NIPBL: variants seen among roughly 807,000 people sequenced by gnomAD.
NIPBL encodes the protein NIPBL cohesin loading factor.
A neutral mutation model predicts 321.8 loss-of-function variants in NIPBL; 19 were observed. The ratio of observed to expected loss-of-function variants is 0.06; its 90% CI spans 0.04 to 0.09. The LOEUF (loss-of-function observed/expected upper bound fraction) is 0.09. Ranked by LOEUF, NIPBL falls within the 10% of genes least tolerant of loss-of-function variation. The pLI is 1.00. For synonymous variants in NIPBL, 1,106 were observed against 1,114.1 expected, an observed-to-expected ratio of 0.99 and a Z score of 0.14; for missense variants, 2,210 against 3,327.0, an observed-to-expected ratio of 0.66 and a Z score of 8.26.
At chr5:36,979,572 A>G (rs1469281255) in intron 9 of NIPBL, among the ~76,000 whole-genome samples, 1 of 151,640 alleles carries the variant, frequency 6.6e-6, no homozygotes, top group African/African-American at 2.4e-5. Flanking sequence ...TTGGATGCCT[A>G]ATATTCCTTT....
intron 30 of NIPBL, among the ~76,000 whole-genome samples, chr5:37,025,940 A>AT (rs1269417815): frequency 6.6e-6 from 1 of 152,082 alleles, no homozygotes; most frequent in Non-Finnish European, 1.5e-5. Context: ...CAGTAAATAT[A>AT]TTTTTTAGTT....
chr5:36,927,561 C>T (rs1749456825), intron 1 of NIPBL, among the ~76,000 whole-genome samples: 1 of 152,122 alleles, frequency 6.6e-6, no homozygotes. Context: ...TAGAGACTCA[C>T]GATCCAAAAG....
chr5:36,959,814 C>T (rs1351972865), intron 4 of NIPBL, among the ~76,000 whole-genome samples: 2 of 151,958 alleles, frequency 1.3e-5, no homozygotes, highest in East Asian at 3.8e-4. Flanking sequence ...TTTTTTAGTC[C>T]AAAATATTGT....
chr5:36,938,422 C>G (rs1738696278), intron 1 of NIPBL, among the ~76,000 whole-genome samples: 1 of 151,836 alleles, frequency 6.6e-6, no homozygotes. Flanking sequence ...GCAGATGGAG[C>G]AAAATGTAAG....
At chr5:37,031,528 A>G (rs995792940) in intron 32 of NIPBL, among the ~76,000 whole-genome samples, 2 of 152,194 alleles carry the variant, frequency 1.3e-5, no homozygotes, top group Admixed American at 1.3e-4. Context: ...CAAAAATTAA[A>G]TAGATTTTAC....
chr5:36,890,506 A>G (rs967182644), intron 1 of NIPBL, among the ~76,000 whole-genome samples: 7 of 152,194 alleles, frequency 4.6e-5, no homozygotes, highest in Non-Finnish European at 1.0e-4. Context: ...GTTTCCCACT[A>G]TTGTGCCTGT....
chr5:36,908,547 G>A (rs189899035), intron 1 of NIPBL, among the ~76,000 whole-genome samples: 66 of 152,072 alleles, frequency 4.3e-4, no homozygotes, highest in Non-Finnish European at 7.6e-4. Flanking sequence ...ATCATACAGG[G>A]AACGTAGAAT....
chr5:37,049,323 A>G (rs751762049), intron 40 of NIPBL, 22 bp downstream of exon 40: 1 of 1,611,374 alleles, frequency 6.2e-7, no homozygotes, highest in Non-Finnish European at 8.5e-7. Flanking sequence ...TTATGGCAGC[A>G]GCACTTACTA....
At chr5:36,928,000 TA>T (rs1299799828) in intron 1 of NIPBL, among the ~76,000 whole-genome samples, 3 of 152,034 alleles carry the variant, frequency 2.0e-5, no homozygotes, top group African/African-American at 7.2e-5. Context: ...TTTTTTTTTT[TA>T]AATTTTCTAC....
At chr5:36,914,969 GT>G (rs1266084266) in intron 1 of NIPBL, among the ~76,000 whole-genome samples, 2 of 151,862 alleles carry the variant, frequency 1.3e-5, no homozygotes, top group African/African-American at 2.4e-5. Flanking sequence ...TTAAAAAGGA[GT>G]TTTTTCCTCA....
chr5:37,064,430 T>C (rs912941227), intron 46 of NIPBL, 97 bp from the exon 47 acceptor site: 2 of 1,574,966 alleles, frequency 1.3e-6, no homozygotes, highest in Middle Eastern at 2.3e-4. Context: ...AAATCCCAAC[T>C]CCCGGCGTCA....
chr5:36,909,306 T>C (rs1454055860), intron 1 of NIPBL, among the ~76,000 whole-genome samples: 5 of 152,192 alleles, frequency 3.3e-5, no homozygotes, highest in Non-Finnish European at 5.9e-5. Context: ...TCATAGTGTT[T>C]AGGTAAAAGC....
chr5:37,000,959 G>A (rs1168485631), intron 13 of NIPBL, 30 bp from the exon 14 acceptor site: 1 of 1,584,186 alleles, frequency 6.3e-7, no homozygotes, highest in African/African-American at 1.3e-5. Context: ...TGTAATGTGA[G>A]AATAATGAAT....
At position 37,064,530 on chromosome 5, in the gene NIPBL, T is replaced by G. The variant is rs1416879242; in HGVS notation, c.8053T>G (p.Leu2685Val). The G allele has an allele frequency of 6.2e-7, 1 of 1,612,840 alleles. No individual in the cohort carries two copies. Among genetic ancestry groups the G allele is most frequent in the Non-Finnish European group, 8.5e-7 (1 of 1,180,028 alleles). ...TTCCCCCCTCCCAATGTTTTAGTCA[T>G]TGAGAAGGTCAAAACGAAATTCAGA... ...EDRGGGTSGSLRRSKRNSDST... is the reference protein window; with the variant it reads ...EDRGGGTSGSVRRSKRNSDST... The change falls in exon 47 of 47, where the codon TTG becomes GTG. Residue 2685 changes from leucine to valine, a missense_variant. Leu to Val is a conservative substitution (Grantham distance 32). Coordinates refer to ENST00000282516, the MANE Select transcript of NIPBL (RefSeq NM_133433.4).
Position 37,044,486 on chromosome 5 carries a change from C to G in NIPBL, c.6248C>G (p.Thr2083Ser). The change falls in exon 35 of 47, where the codon ACT (threonine) becomes AGT (serine). Residue 2083 changes from threonine (T) to serine (S), a missense_variant and splice_region_variant. By Grantham distance (58) the Thr-to-Ser change is moderately conservative. Coordinates refer to ENST00000282516, the MANE Select transcript of NIPBL (RefSeq NM_133433.4). ...LMKLIIKYGM[T>S]VVQHCVSCLG... ...AAGCTCATCATCAAATATGGCATGA[C>G]TGTAAGCACTCAGTTTACCATTTCT... The G allele has an allele frequency of 6.2e-7, 1 of 1,613,656 alleles. No individual in the cohort carries two copies.
rs1335351652 is a variant in NIPBL, at chr5:37,057,124, GT to G, written c.7264-56del. 6 of 1,585,378 alleles carry G rather than the reference GT, an allele frequency of 3.8e-6. No individual in the cohort carries two copies. In the African/African-American group the frequency reaches 4.0e-5, roughly 11 times the overall value. ...GTGCCCTGTATTTTTTCTAAAAAAG[GT>G]TTTTTGGTTGGGTTTCTAGATTATC... is the stretch of plus-strand genomic sequence containing the variant. On this transcript the variant is annotated intron_variant, in intron 42 of 46. Coordinates refer to ENST00000282516, the MANE Select transcript of NIPBL (RefSeq NM_133433.4).
chr5:37,062,825 T>C (rs555756221), intron 45 of NIPBL, among the ~76,000 whole-genome samples: 19 of 151,556 alleles, frequency 1.3e-4, no homozygotes, highest in Non-Finnish European at 2.5e-4. Flanking sequence ...GAGGCTGAGG[T>C]GGGAGGACCA....
chr5:37,029,729 T>C (rs972855454), intron 32 of NIPBL, among the ~76,000 whole-genome samples: 1 of 152,238 alleles, frequency 6.6e-6, no homozygotes, highest in African/African-American at 2.4e-5. Context: ...TTGTCACTTT[T>C]TTTAAAACTT....
intron 1 of NIPBL, among the ~76,000 whole-genome samples, chr5:36,942,327 G>C (rs908595070): frequency 1.3e-5 from 2 of 149,312 alleles, no homozygotes; most frequent in Non-Finnish European, 3.0e-5. Context: ...AGCTACTCAG[G>C]AGACTGAGGC....
Sources: gnomAD v4.1 joint callset for allele counts (sites outside exome capture counted in the v4.1 genomes callset) on GRCh38, gnomAD v4.1.1 for gene constraint, MANE v1.5 for transcripts, NCBI Gene and HGNC (gene_info 2026-07-23, HGNC 2026-07-21) for gene names.